PCBP3: variants seen among roughly 807,000 people sequenced by gnomAD.
PCBP3 encodes the protein poly(rC)-binding protein 3.
Under a neutral mutation model 52.7 loss-of-function variants are expected in PCBP3, and 25 were observed. The ratio of observed to expected loss-of-function variants is 0.47; its 90% CI spans 0.35 to 0.66. PCBP3 has a LOEUF of 0.66. Ranked by LOEUF, PCBP3 falls within the 30% of genes least tolerant of loss-of-function variation. The pLI is 0.01. For missense variants in PCBP3, 391 were observed against 490.3 expected (o/e 0.80, Z 1.91); for synonymous variants, 162 against 183.0 (o/e 0.89, Z 0.93).
In PCBP3 at chr21:45,917,343, GTT is replaced by G; in HGVS notation, c.676-243_676-242del. On this transcript the variant is annotated intron_variant, in intron 12 of 17. Transcript: ENST00000681687. The surrounding 1 kb of genome is among the most constrained non-coding windows in gnomAD (Gnocchi z 5.3). ...GAGTCGGAAGCATCAAGGCTGAACT[GTT>G]TCCCTCCCACCCGCTGAACTGGCCA... 1 of 447,084 alleles carries G rather than the reference GTT, an allele frequency of 2.2e-6. No homozygotes were observed. Among genetic ancestry groups the G allele is most frequent in the Admixed American group, 3.6e-5 (1 of 27,764 alleles). The allele number at this position is 447,084 out of a possible 1,614,324, so 27.7% of individuals were successfully genotyped here.
chr21:45,861,898 T>G (rs917009953), intron 5 of PCBP3, among the ~76,000 whole-genome samples: 1 of 152,178 alleles, frequency 6.6e-6, no homozygotes. Flanking sequence ...ACAGAATCAA[T>G]GTATCACTCA....
At chr21:45,655,492 T>C (rs62215031) in intron 1 of PCBP3, among the ~76,000 whole-genome samples, 27,556 of 152,098 alleles carry the variant, frequency 0.18, 2,645 homozygotes, top group Middle Eastern at 0.32. Context: ...GATATTGTGG[T>C]ATAAATTAGC....
At chr21:45,814,548 T>G (rs1398134920) in intron 4 of PCBP3, among the ~76,000 whole-genome samples, 5 of 50,972 alleles carry the variant, frequency 9.8e-5, no homozygotes, top group African/African-American at 2.9e-4. Flanking sequence ...GGTGAGTGAG[T>G]GGTGAGTGAT....
chr21:45,783,851 T>C (rs2090837137), intron 4 of PCBP3, among the ~76,000 whole-genome samples: 1 of 152,162 alleles, frequency 6.6e-6, no homozygotes, highest in South Asian at 2.1e-4. Context: ...TCCTCACCCT[T>C]GGGGAGCCAT....
In PCBP3 at chr21:45,676,338, G is replaced by A. The variant is rs9982254; in HGVS notation, c.-200+7386G>A. On this transcript the variant is annotated intron_variant, in intron 2 of 17. Coordinates refer to ENST00000681687, the MANE Select transcript of PCBP3 (RefSeq NM_001384156.1). ...TGAGCTTGACAGCCTTCCAATATAGGCATCACTCATTTTATTGCACTTTAC... is the reference window on the plus strand; with the variant it reads ...TGAGCTTGACAGCCTTCCAATATAGACATCACTCATTTTATTGCACTTTAC... Among the ~76,000 whole-genome samples the A allele has an allele frequency of 5.7e-3, 871 of 151,850 alleles. 8 individuals are homozygous for A. The highest frequency in any genetic ancestry group is 0.02 in the African/African-American group (828 of 41,358).
chr21:45,849,449 T>C (rs2093908859), intron 4 of PCBP3, among the ~76,000 whole-genome samples: 1 of 152,116 alleles, frequency 6.6e-6, no homozygotes, highest in South Asian at 2.1e-4. Flanking sequence ...TAAGTGATCC[T>C]CCCGTCTTGG....
At chr21:45,940,740 A>ATACCACCAGTCCCCCCGCCAGGCATGCCG in intron 17 of PCBP3, among the ~76,000 whole-genome samples, 1 of 87,686 alleles carries the variant, frequency 1.1e-5, no homozygotes, top group South Asian at 2.7e-4. Context: ...CAAGCACACC[A>ATACCACCAGTCCCCCCGCCAGGCATGCCG]TACCACCAGT....
At chr21:45,932,255 A>C (rs1273041493) in intron 15 of PCBP3, among the ~76,000 whole-genome samples, 1 of 151,320 alleles carries the variant, frequency 6.6e-6, no homozygotes, top group East Asian at 2.0e-4. Flanking sequence ...CCGTCCTGAG[A>C]TGGATGGACA....
At chr21:45,691,384 T>TTATA (rs1187790362) in intron 2 of PCBP3, among the ~76,000 whole-genome samples, 2 of 142,170 alleles carry the variant, frequency 1.4e-5, no homozygotes. Context: ...GTGGGGGTAG[T>TTATA]TATATATATA....
Position 45,893,744 on chromosome 21 carries a change from G to C in PCBP3, c.11-2464G>C. ...CGGGACAGAGGGAGGGACCTGGATG[G>C]ACCAGAGCTCTGCCTGTTTCTGGAA... On this transcript the variant is annotated intron_variant, in intron 5 of 17. Coordinates refer to ENST00000681687, the MANE Select transcript of PCBP3 (RefSeq NM_001384156.1). 9 of 985,410 alleles carry C rather than the reference G, an allele frequency of 9.1e-6. No individual in the cohort carries two copies. In the South Asian group the frequency reaches 3.8e-4, roughly 41 times the overall value. 61.0% of individuals were successfully genotyped at this position (985,410 alleles called of 1,614,324 possible).
intron 16 of PCBP3, among the ~76,000 whole-genome samples, chr21:45,938,031 G>A (rs1339547504): frequency 1.3e-5 from 2 of 152,250 alleles, no homozygotes; most frequent in Non-Finnish European, 2.9e-5. Context: ...GCAGCACATT[G>A]CAGGGAGCAG....
intron 4 of PCBP3, among the ~76,000 whole-genome samples, chr21:45,841,367 G>A (rs2093696419): frequency 6.6e-6 from 1 of 150,938 alleles, no homozygotes; most frequent in South Asian, 2.1e-4. Flanking sequence ...TGTGCCTTCT[G>A]TGATGTCTCC....
intron 10 of PCBP3, 138 bp from the exon 11 acceptor site, chr21:45,910,764 G>T (rs2096371924): frequency 2.6e-6 from 2 of 773,408 alleles, no homozygotes; most frequent in South Asian, 2.0e-5. Context: ...GGATGGCGGT[G>T]GGGGAGGGGG....
chr21:45,914,140 A>T, intron 12 of PCBP3, 115 bp downstream of exon 12: 1 of 1,545,594 alleles, frequency 6.5e-7, no homozygotes, highest in Non-Finnish European at 8.8e-7. Context: ...CACGTCTCCC[A>T]CCCGTGCTGG....
At chr21:45,669,820 T>A (rs1198722753) in intron 2 of PCBP3, among the ~76,000 whole-genome samples, 1 of 124,546 alleles carries the variant, frequency 8.0e-6, no homozygotes, top group Admixed American at 8.0e-5. Context: ...TATATATATA[T>A]ATATATATAT....
At chr21:45,768,911 G>A (rs534835235) in intron 4 of PCBP3, among the ~76,000 whole-genome samples, 23 of 152,238 alleles carry the variant, frequency 1.5e-4, no homozygotes, top group Admixed American at 5.9e-4. Context: ...CTGACTCGGG[G>A]ATGCCAGAGC....
chr21:45,704,850 G>A lies in PCBP3; in HGVS notation c.-199-30542G>A, dbSNP rs554363091. Among the ~76,000 whole-genome samples the A allele has an allele frequency of 5.3e-5, 8 of 152,310 alleles. No individual in the cohort carries two copies. In the East Asian group the frequency reaches 1.4e-3, roughly 26 times the overall value. ...GTGATGTGATACAGTGCAGGTAGAC[G>A]ACACAGGGCGCTGCTGTCTGCTGAA... On this transcript the variant is annotated intron_variant, in intron 2 of 17. Coordinates refer to ENST00000681687, the MANE Select transcript of PCBP3 (RefSeq NM_001384156.1). The surrounding 1 kb of genome is among the most constrained non-coding windows in gnomAD (Gnocchi z 4.1).
At chr21:45,645,626 A>G (rs1262459175) in intron 1 of PCBP3, among the ~76,000 whole-genome samples, 2 of 152,260 alleles carry the variant, frequency 1.3e-5, no homozygotes, top group Admixed American at 6.5e-5. Context: ...TCTTTACCCT[A>G]TTGTTCTGAG....
intron 3 of PCBP3, among the ~76,000 whole-genome samples, chr21:45,747,364 GCCATATCAATTGCAAAGC>G (rs2086995658): frequency 6.6e-6 from 1 of 152,328 alleles, no homozygotes; most frequent in South Asian, 2.1e-4. Context: ...ACACAGGCAA[GCCATATCAATTGCAAAGC>G]CCACCGGGCA....
Sources: allele counts gnomAD v4.1 joint callset (sites outside exome capture counted in the v4.1 genomes callset), GRCh38; gene constraint gnomAD v4.1.1; non-coding constraint Gnocchi (gnomAD v3.1); transcripts MANE v1.5; gene names NCBI Gene and HGNC (gene_info 2026-07-23, HGNC 2026-07-21).